Variants in ZFYVE16 observed in about 807,000 individuals in gnomAD.
ZFYVE16 encodes zinc finger FYVE-type containing 16, also known as zinc finger FYVE domain-containing protein 16.
ZFYVE16 carries 89 observed loss-of-function variants against 138.1 expected under a neutral mutation model. The ratio of observed to expected loss-of-function variants is 0.64; its 90% CI spans 0.54 to 0.77. The LOEUF (loss-of-function observed/expected upper bound fraction) is 0.77, where lower values mean the gene tolerates loss of function less well. ZFYVE16 is among the 30% of genes least tolerant of loss of function. ZFYVE16 has a pLI of 0.00. For missense variants in ZFYVE16, 1,793 were observed against 1,786.7 expected (o/e 1.00, Z -0.06); for synonymous variants, 596 against 618.3 (o/e 0.96, Z 0.53).
chr5:80,427,379 T>A (rs569794600), intron 1 of ZFYVE16, 113 bp from the exon 2 acceptor site: 1 of 152,250 alleles, frequency 6.6e-6, no homozygotes, highest in Non-Finnish European at 1.5e-5. Flanking sequence ...CTATTTGATT[T>A]GTGTTTAGTC....
At chr5:80,418,020 G>T (rs1173034459) in intron 1 of ZFYVE16, among the ~76,000 whole-genome samples, 1 of 152,100 alleles carries the variant, frequency 6.6e-6, no homozygotes, top group Non-Finnish European at 1.5e-5. Context: ...GTTCTAATCT[G>T]CAGTTCCCTA....
intron 1 of ZFYVE16, among the ~76,000 whole-genome samples, chr5:80,418,971 C>A (rs1554037074): frequency 6.6e-6 from 1 of 151,604 alleles, no homozygotes; most frequent in Non-Finnish European, 1.5e-5. Context: ...TCATATTTTT[C>A]ATAGAGATGT....
At position 80,449,209 on chromosome 5, in the gene ZFYVE16, A is replaced by G. The variant is rs528535723; in HGVS notation, c.3104-382A>G. Among the ~76,000 whole-genome samples the G allele has an allele frequency of 4.6e-5, 7 of 152,280 alleles. No homozygotes were observed. The East Asian group carries it at 5.8e-4, about 13-fold the overall frequency. ...ATATAGGCATGTGGTAACAAGCAGC[A>G]TATATAACGTGGCTCTAGACTACTT... is the stretch of plus-strand genomic sequence containing the variant. On this transcript the variant is annotated intron_variant, in intron 8 of 18. Transcript: ENST00000505560.
intron 15 of ZFYVE16, among the ~76,000 whole-genome samples, chr5:80,468,212 T>C (rs374952872): frequency 6.6e-6 from 1 of 152,208 alleles, no homozygotes; most frequent in South Asian, 2.1e-4. Flanking sequence ...TTGAGAAAAT[T>C]GGCACATTTT....
chr5:80,419,066 T>G (rs956341744), intron 1 of ZFYVE16, among the ~76,000 whole-genome samples: 5 of 138,716 alleles, frequency 3.6e-5, no homozygotes, highest in African/African-American at 1.1e-4. Context: ...TCGGTGTGGG[T>G]TTTTTTTTTT....
chr5:80,449,310 C>T (rs545188919), intron 8 of ZFYVE16, among the ~76,000 whole-genome samples: 1 of 152,154 alleles, frequency 6.6e-6, no homozygotes, highest in East Asian at 1.9e-4. Context: ...AAACGTTTGT[C>T]TTCAAACTTT....
chr5:80,443,866 G>C (rs259033), intron 6 of ZFYVE16: 2 of 456,020 alleles, frequency 4.4e-6, no homozygotes, highest in South Asian at 3.1e-5. Context: ...CAGACTTCCA[G>C]CCTGGCATCC....
At chr5:80,467,777 G>A (rs1753892323) in intron 15 of ZFYVE16, among the ~76,000 whole-genome samples, 2 of 152,118 alleles carry the variant, frequency 1.3e-5, no homozygotes, top group African/African-American at 4.8e-5. Flanking sequence ...AACAGGAACT[G>A]TCCCTAAGGA....
At chr5:80,431,664 A>G (rs1006683367) in intron 2 of ZFYVE16, among the ~76,000 whole-genome samples, 25 of 152,300 alleles carry the variant, frequency 1.6e-4, no homozygotes, top group African/African-American at 5.5e-4. Flanking sequence ...GTTTGCAGAT[A>G]ACATGATTGT....
At chr5:80,440,254 C>T (rs1750515453) in intron 5 of ZFYVE16, 2 of 1,162,298 alleles carry the variant, frequency 1.7e-6, no homozygotes, top group Non-Finnish European at 1.1e-6. Flanking sequence ...TCTGGAGTGG[C>T]AGTTCATTAA....
At chr5:80,411,466 T>C (rs1000390015) in intron 1 of ZFYVE16, among the ~76,000 whole-genome samples, 8 of 152,204 alleles carry the variant, frequency 5.3e-5, no homozygotes, top group Non-Finnish European at 8.8e-5. Context: ...AGGTTTGCAC[T>C]ATGCATAAAG....
At chr5:80,454,630 CCAAGTAGCTGGGACTA>C (rs1752327918) in intron 11 of ZFYVE16, 1 of 152,246 alleles carries the variant, frequency 6.6e-6, no homozygotes, top group African/African-American at 2.4e-5. Flanking sequence ...CCTCAGCCTC[CCAAGTAGCTGGGACTA>C]CAGGTGCCCG....
intron 7 of ZFYVE16, among the ~76,000 whole-genome samples, 169 bp downstream of exon 7, chr5:80,445,574 A>G (rs1209400065): frequency 2.6e-5 from 4 of 151,882 alleles, no homozygotes; most frequent in African/African-American, 9.7e-5. Context: ...CCTTTAAAAA[A>G]AAGAGAGAGA....
chr5:80,441,192 C>T (rs1403355972), intron 5 of ZFYVE16: 1 of 985,232 alleles, frequency 1.0e-6, no homozygotes, highest in African/African-American at 1.7e-5. Context: ...AATTATCTCC[C>T]CCACTTAAAA....
At chr5:80,450,332 A>G (rs1751848860) in intron 9 of ZFYVE16, 99 bp from the exon 10 acceptor site, 1 of 1,212,990 alleles carries the variant, frequency 8.2e-7, no homozygotes, top group Non-Finnish European at 1.2e-6. Flanking sequence ...TTGGGAACAC[A>G]AGGAATTTGA....
Position 80,448,211 on chromosome 5 carries a change from T to C in ZFYVE16, c.2910T>C (p.Asp970=), listed in dbSNP as rs756732746. The change falls in exon 8 of 19, where the codon GAT becomes GAC. Residue 970 remains aspartate, a synonymous_variant. Coordinates refer to ENST00000505560, the MANE Select transcript of ZFYVE16 (RefSeq NM_001284236.3). ...PTSGSFTLDD[D]VFAETEEPSS... is the part of the protein sequence containing the mutation. ...CTGGTTCATTTACACTAGATGATGA[T>C]GTTTTTGCAGAAACTGAAGAACCAT... 1 of 1,613,956 alleles carries C rather than the reference T, an allele frequency of 6.2e-7. No homozygotes were observed. The highest frequency in any genetic ancestry group is 1.1e-5 in the South Asian group (1 of 91,052).
At position 80,481,507 on chromosome 5, in the gene ZFYVE16, G is replaced by T. The variant is rs926945993; in HGVS notation, c.*4130G>T. Reference sequence around the variant, plus strand: ...CTAGATGGTGCACAACTGGGGCAAAGAACAGCTTAACAAAGGCAGTGAAAA... The same window carrying T: ...CTAGATGGTGCACAACTGGGGCAAATAACAGCTTAACAAAGGCAGTGAAAA... On this transcript the variant is annotated 3_prime_UTR_variant, in exon 19 of 19. Transcript: ENST00000505560. Among the ~76,000 whole-genome samples, 1 of 152,082 alleles carries T rather than the reference G, an allele frequency of 6.6e-6. No individual in the cohort carries two copies. Among genetic ancestry groups the T allele is most frequent in the Admixed American group, 6.6e-5 (1 of 15,254 alleles).
intron 3 of ZFYVE16, among the ~76,000 whole-genome samples, chr5:80,435,197 G>A (rs1254502899): frequency 1.3e-5 from 2 of 152,158 alleles, no homozygotes; most frequent in Non-Finnish European, 2.9e-5. Context: ...ACCATGCCCA[G>A]CTAATTTTTG....
intron 1 of ZFYVE16, among the ~76,000 whole-genome samples, chr5:80,422,005 C>G (rs1747270836): frequency 1.3e-5 from 2 of 152,264 alleles, no homozygotes; most frequent in South Asian, 4.1e-4. Flanking sequence ...TTGAAGAGGT[C>G]CTTCACATCC....
Sources: gnomAD v4.1 joint callset for allele counts (sites outside exome capture counted in the v4.1 genomes callset) on GRCh38, gnomAD v4.1.1 for gene constraint, MANE v1.5 for transcripts, NCBI Gene and HGNC (gene_info 2026-07-23, HGNC 2026-07-21) for gene names.